The following CDK17 variants were observed in gnomAD, a reference collection of about 807,000 sequenced individuals.
CDK17 encodes the protein cyclin dependent kinase 17.
CDK17 carries 24 observed loss-of-function variants against 77.6 expected under a neutral mutation model. The observed-to-expected ratio is 0.31, with a 90% CI of 0.22 to 0.44. The LOEUF (loss-of-function observed/expected upper bound fraction) is 0.44. CDK17 is among the 20% of genes least tolerant of loss of function. The pLI is 1.00. For synonymous variants in CDK17, 203 were observed against 210.4 expected, an observed-to-expected ratio of 0.96 and a Z score of 0.30; for missense variants, 429 against 622.5, an observed-to-expected ratio of 0.69 and a Z score of 3.31.
At chr12:96,353,693 A>C (rs921377130) in intron 1 of CDK17, among the ~76,000 whole-genome samples, 1 of 152,068 alleles carries the variant, frequency 6.6e-6, no homozygotes, top group African/African-American at 2.4e-5. Flanking sequence ...CAGGATCACA[A>C]ATCACACTGT....
chr12:96,391,336 T>A (rs552643584), intron 1 of CDK17, among the ~76,000 whole-genome samples: 2 of 151,540 alleles, frequency 1.3e-5, no homozygotes, highest in South Asian at 4.2e-4. Context: ...GTCACTCAGG[T>A]TGGAGTGCAG....
chr12:96,365,916 G>A (rs1953576754), intron 1 of CDK17, among the ~76,000 whole-genome samples: 1 of 152,178 alleles, frequency 6.6e-6, no homozygotes, highest in Non-Finnish European at 1.5e-5. Context: ...AGGTTTATAT[G>A]AGCAGATAAT....
In CDK17 at chr12:96,278,556, TAAC is replaced by T. The variant is rs943760566; in HGVS notation, c.*1683_*1685del. On this transcript the variant is annotated 3_prime_UTR_variant, in exon 17 of 17. Coordinates refer to ENST00000261211, the MANE Select transcript of CDK17 (RefSeq NM_002595.5). The stretch of plus-strand genomic sequence containing the variant: ...ACTGTGACTCAATAAAACCACATTT[TAAC>T]AACATGGAGATTTTGTTATTATAAA... The T allele has an allele frequency of 3.3e-5, 5 of 152,560 alleles. No homozygotes were observed. Among genetic ancestry groups the T allele is most frequent in the Non-Finnish European group, 5.9e-5 (4 of 67,986 alleles). The allele number at this position is 152,560 out of a possible 1,614,324, so 9.5% of individuals were successfully genotyped here. A position where few individuals can be genotyped will look rare whatever the true frequency, so the allele number is the denominator to read the frequency against.
intron 1 of CDK17, among the ~76,000 whole-genome samples, chr12:96,341,627 G>C (rs1489584292): frequency 6.6e-6 from 1 of 152,004 alleles, no homozygotes; most frequent in Non-Finnish European, 1.5e-5. Flanking sequence ...ATTAAGGAAA[G>C]GTAAGAATTC....
intron 1 of CDK17, among the ~76,000 whole-genome samples, chr12:96,362,796 G>C (rs897161084): frequency 1.3e-5 from 2 of 152,140 alleles, no homozygotes; most frequent in Admixed American, 6.5e-5. Context: ...AGCAATGATG[G>C]TATTAATGAG....
chr12:96,326,351 C>T (rs551841028), intron 2 of CDK17, among the ~76,000 whole-genome samples: 4 of 152,018 alleles, frequency 2.6e-5, no homozygotes, highest in East Asian at 3.9e-4. Flanking sequence ...TAATGACAGG[C>T]GATATGCAAA....
intron 1 of CDK17, among the ~76,000 whole-genome samples, chr12:96,345,261 C>G (rs1953187372): frequency 6.6e-6 from 1 of 152,200 alleles, no homozygotes; most frequent in Admixed American, 6.5e-5. Flanking sequence ...CATGTCTTTG[C>G]TGTTGTGAAT....
chr12:96,392,323 T>C (rs998044872), intron 1 of CDK17, among the ~76,000 whole-genome samples: 3 of 152,114 alleles, frequency 2.0e-5, no homozygotes, highest in Non-Finnish European at 2.9e-5. Flanking sequence ...TAGTGTCTAG[T>C]ACAGAGTAGG....
intron 1 of CDK17, among the ~76,000 whole-genome samples, chr12:96,377,883 C>T (rs1427848919): frequency 6.6e-6 from 1 of 152,044 alleles, no homozygotes; most frequent in African/African-American, 2.4e-5. Context: ...TTAGTAGAGA[C>T]AGGGTTTCAC....
At chr12:96,373,643 T>C (rs369907576) in intron 1 of CDK17, among the ~76,000 whole-genome samples, 5 of 148,490 alleles carry the variant, frequency 3.4e-5, no homozygotes, top group African/African-American at 1.2e-4. Flanking sequence ...CCTCAATGGC[T>C]GGGCACAGTG....
At chr12:96,331,959 A>T (rs1435380268) in intron 2 of CDK17, among the ~76,000 whole-genome samples, 1 of 152,188 alleles carries the variant, frequency 6.6e-6, no homozygotes, top group Non-Finnish European at 1.5e-5. Context: ...AATGACAGAC[A>T]TCATATACAA....
chr12:96,295,228 G>T, intron 9 of CDK17, 106 bp from the exon 10 acceptor site: 1 of 820,974 alleles, frequency 1.2e-6, no homozygotes. Context: ...CATTGTAACA[G>T]GAAAAAGAAA....
intron 2 of CDK17, among the ~76,000 whole-genome samples, chr12:96,330,389 C>A (rs887953554): frequency 6.6e-6 from 1 of 151,976 alleles, no homozygotes; most frequent in African/African-American, 2.4e-5. Flanking sequence ...ATTCTTATAA[C>A]ATTAACCATT....
chr12:96,297,827 T>C (rs1264869534), intron 7 of CDK17, 106 bp from the exon 8 acceptor site: 1 of 631,180 alleles, frequency 1.6e-6, no homozygotes, highest in Non-Finnish European at 2.8e-6. Flanking sequence ...AGTTTAGGTC[T>C]TGGGCGGTGG....
At chr12:96,289,940 A>AGGGG (rs1488311024) in intron 10 of CDK17, among the ~76,000 whole-genome samples, 3 of 152,182 alleles carry the variant, frequency 2.0e-5, no homozygotes, top group Non-Finnish European at 4.4e-5. Flanking sequence ...GGGGTGTCCA[A>AGGGG]TCTTTTAGCT....
intron 1 of CDK17, among the ~76,000 whole-genome samples, chr12:96,366,995 T>C (rs375016260): frequency 6.6e-6 from 1 of 152,154 alleles, no homozygotes; most frequent in Non-Finnish European, 1.5e-5. Flanking sequence ...TAACTCAGTA[T>C]GTCCTCCAAG....
intron 6 of CDK17, 50 bp from the exon 7 acceptor site, chr12:96,299,033 T>C (rs746404148): frequency 4.8e-6 from 4 of 839,672 alleles, no homozygotes; most frequent in Non-Finnish European, 7.7e-6. Context: ...TAAGAGTCTA[T>C]TTAATACCAT....
At chr12:96,361,107 A>G (rs1233414669) in intron 1 of CDK17, among the ~76,000 whole-genome samples, 1 of 152,234 alleles carries the variant, frequency 6.6e-6, no homozygotes, top group Non-Finnish European at 1.5e-5. Context: ...CGAAAAGAAA[A>G]CTACGTGTCA....
chr12:96,348,666 C>T (rs182394936), intron 1 of CDK17, among the ~76,000 whole-genome samples: 1,633 of 150,986 alleles, frequency 0.011, 48 homozygotes, highest in Admixed American at 0.064. Context: ...AGAAATAAAA[C>T]GGATTATAAA....
Sources: gnomAD v4.1 joint callset for allele counts (sites outside exome capture counted in the v4.1 genomes callset) on GRCh38, gnomAD v4.1.1 for gene constraint, MANE v1.5 for transcripts, NCBI Gene and HGNC (gene_info 2026-07-23, HGNC 2026-07-21) for gene names.